ZNRF1: variants seen among roughly 807,000 people sequenced by gnomAD.
The protein encoded by ZNRF1 is zinc and ring finger 1.
ZNRF1 carries 3 observed loss-of-function variants against 18.4 expected under a neutral mutation model. The ratio of observed to expected loss-of-function variants is 0.16; its 90% confidence interval spans 0.07 to 0.42. The LOEUF is 0.42. ZNRF1 is among the 10% of genes least tolerant of loss of function. The pLI, the probability that ZNRF1 is intolerant of heterozygous loss-of-function variation, is 0.99. For synonymous variants in ZNRF1, 157 were observed against 144.2 expected, an observed-to-expected ratio of 1.09 and a Z score of -0.64; for missense variants, 310 against 329.8, an observed-to-expected ratio of 0.94 and a Z score of 0.47.
chr16:75,077,246 G>T (rs1016529582), intron 1 of ZNRF1, among the ~76,000 whole-genome samples: 2 of 152,144 alleles, frequency 1.3e-5, no homozygotes, highest in Non-Finnish European at 2.9e-5. Flanking sequence ...CAAAAAATTA[G>T]CTGGGGCTGG....
At chr16:75,047,605 G>T (rs747245968) in intron 1 of ZNRF1, among the ~76,000 whole-genome samples, 1 of 152,170 alleles carries the variant, frequency 6.6e-6, no homozygotes, top group South Asian at 2.1e-4. Flanking sequence ...ACTTTTGTGT[G>T]TGTAGATCTT....
At chr16:75,078,354 A>C (rs1336710840) in intron 1 of ZNRF1, among the ~76,000 whole-genome samples, 1 of 139,778 alleles carries the variant, frequency 7.2e-6, no homozygotes, top group Non-Finnish European at 1.5e-5. Context: ...GCTGGAGTGC[A>C]ATGGCGCAAT....
intron 1 of ZNRF1, among the ~76,000 whole-genome samples, chr16:75,042,765 C>T (rs548377321): frequency 1.3e-5 from 2 of 152,236 alleles, no homozygotes; most frequent in Admixed American, 1.3e-4. Flanking sequence ...CTGTTGATTT[C>T]TGCAGAATGG....
intron 1 of ZNRF1, among the ~76,000 whole-genome samples, chr16:75,091,215 C>T (rs1359147876): frequency 1.3e-5 from 2 of 152,090 alleles, no homozygotes; most frequent in East Asian, 3.9e-4. Flanking sequence ...AAAAATTAGC[C>T]AGGCATGGTG....
chr16:75,092,479 T>G (rs2036151224), intron 1 of ZNRF1, among the ~76,000 whole-genome samples: 1 of 152,168 alleles, frequency 6.6e-6, no homozygotes, highest in Non-Finnish European at 1.5e-5. Context: ...GAAATAAGAT[T>G]TCAGTGGCAA....
At chr16:75,033,239 T>G (rs1326008495) in intron 1 of ZNRF1, among the ~76,000 whole-genome samples, 1 of 147,864 alleles carries the variant, frequency 6.8e-6, no homozygotes, top group Non-Finnish European at 1.5e-5. Flanking sequence ...ATATAAAATT[T>G]AGAATCACCT....
chr16:75,100,510 C>T (rs888375527), intron 2 of ZNRF1, among the ~76,000 whole-genome samples: 1 of 152,210 alleles, frequency 6.6e-6, no homozygotes, highest in African/African-American at 2.4e-5. Context: ...TCCATCACCT[C>T]CTGGGGGGCG....
chr16:75,035,421 C>T (rs1327355802), intron 1 of ZNRF1, among the ~76,000 whole-genome samples: 1 of 152,200 alleles, frequency 6.6e-6, no homozygotes, highest in Non-Finnish European at 1.5e-5. Flanking sequence ...AGTGATCATG[C>T]AATGGTGCGA....
At chr16:75,040,910 C>A (rs2035440352) in intron 1 of ZNRF1, among the ~76,000 whole-genome samples, 2 of 152,048 alleles carry the variant, frequency 1.3e-5, no homozygotes, top group Admixed American at 6.6e-5. Context: ...GCCCAGCCCA[C>A]TTACCATGTT....
intron 1 of ZNRF1, among the ~76,000 whole-genome samples, chr16:75,016,778 C>G (rs2035078049): frequency 6.8e-6 from 1 of 147,698 alleles, no homozygotes; most frequent in Non-Finnish European, 1.5e-5. Flanking sequence ...CTCCTGACCT[C>G]AGGTGATTCA....
At chr16:75,065,267 T>C (rs904114836) in intron 1 of ZNRF1, among the ~76,000 whole-genome samples, 1 of 152,210 alleles carries the variant, frequency 6.6e-6, no homozygotes, top group Non-Finnish European at 1.5e-5. Flanking sequence ...TGCCTGCGGC[T>C]GAGGCTCCTG....
intron 1 of ZNRF1, among the ~76,000 whole-genome samples, chr16:75,086,620 C>G (rs953078560): frequency 1.3e-5 from 2 of 152,200 alleles, no homozygotes; most frequent in Non-Finnish European, 2.9e-5. Context: ...AGTGTTACCC[C>G]TTGATCTTTT....
At chr16:75,036,504 A>G (rs761358167) in intron 1 of ZNRF1, among the ~76,000 whole-genome samples, 31 of 151,896 alleles carry the variant, frequency 2.0e-4, no homozygotes, top group Middle Eastern at 6.9e-3. Flanking sequence ...GCAGTCATCA[A>G]TATAATTGAA....
At chr16:75,073,767 C>A (rs2035903810) in intron 1 of ZNRF1, among the ~76,000 whole-genome samples, 1 of 151,992 alleles carries the variant, frequency 6.6e-6, no homozygotes, top group Non-Finnish European at 1.5e-5. Context: ...CATCTGCTAC[C>A]CGACATGGTT....
intron 2 of ZNRF1, among the ~76,000 whole-genome samples, chr16:75,101,116 T>C (rs775747813): frequency 6.6e-6 from 1 of 152,224 alleles, no homozygotes; most frequent in African/African-American, 2.4e-5. Flanking sequence ...GGTTTTTTAA[T>C]AGAGACAGAC....
At chr16:75,020,887 A>C (rs935052243) in intron 1 of ZNRF1, among the ~76,000 whole-genome samples, 1 of 151,966 alleles carries the variant, frequency 6.6e-6, no homozygotes, top group African/African-American at 2.4e-5. Flanking sequence ...TACCATTTGG[A>C]AACTTTCAGT....
At chr16:75,096,618 G>T (rs542306976) in intron 2 of ZNRF1, among the ~76,000 whole-genome samples, 3 of 152,238 alleles carry the variant, frequency 2.0e-5, no homozygotes, top group African/African-American at 4.8e-5. Flanking sequence ...AGAACTCCTG[G>T]TCACTCCCCT....
At chr16:75,102,655 T>A (rs1002726645) in intron 2 of ZNRF1, among the ~76,000 whole-genome samples, 2 of 152,182 alleles carry the variant, frequency 1.3e-5, no homozygotes, top group Admixed American at 1.3e-4. Context: ...TGGTCTGAAC[T>A]TTCTCCCTGG....
chr16:75,003,508 A>G lies in ZNRF1; in HGVS notation c.424+3413A>G, dbSNP rs2156278. On this transcript the variant is annotated intron_variant, in intron 1 of 4. Coordinates refer to ENST00000335325, the MANE Select transcript of ZNRF1 (RefSeq NM_032268.5). ...CTGTTCTCTCCCACCCCCATTGTGC[A>G]GGTAAGGAAACAGGTTTGGGGAGGT... 7.8e-3 allele frequency among the ~76,000 whole-genome samples: 1,188 copies of G among 152,254 alleles called. 9 individuals are homozygous for G. The highest frequency in any genetic ancestry group is 0.013 in the Non-Finnish European group (893 of 68,024).
Sources: allele counts gnomAD v4.1 joint callset (sites outside exome capture counted in the v4.1 genomes callset), GRCh38; gene constraint gnomAD v4.1.1; transcripts MANE v1.5; gene names NCBI Gene and HGNC (gene_info 2026-07-23, HGNC 2026-07-21).